VPS13B: variants seen among roughly 807,000 people sequenced by gnomAD.
The protein encoded by VPS13B is intermembrane lipid transfer protein VPS13B.
VPS13B carries 285 observed loss-of-function variants against 426.4 expected under a neutral mutation model. That is an observed-to-expected ratio of 0.67 (90% CI 0.61 to 0.74). VPS13B has a LOEUF of 0.74. Among genes scored for constraint, VPS13B ranks in the 30% least tolerant of loss-of-function variants. VPS13B has a pLI of 0.00. For synonymous variants in VPS13B, 1,676 were observed against 1,676.4 expected (o/e 1.00, Z 0.01); for missense variants, 4,537 against 4,782.6 (o/e 0.95, Z 1.51).
At chr8:99,684,733 A>G (rs1831309052) in intron 35 of VPS13B, among the ~76,000 whole-genome samples, 2 of 152,218 alleles carry the variant, frequency 1.3e-5, no homozygotes, top group Admixed American at 1.3e-4. Flanking sequence ...TAGAACTCTG[A>G]AATAATTTTT....
chr8:99,590,953 G>A (rs947957199), intron 33 of VPS13B, among the ~76,000 whole-genome samples: 9 of 151,970 alleles, frequency 5.9e-5, no homozygotes, highest in African/African-American at 1.9e-4. Context: ...GTCTCCCATT[G>A]TTATTGTGTG....
At chr8:99,581,486 G>A (rs1826057418) in intron 33 of VPS13B, among the ~76,000 whole-genome samples, 1 of 152,042 alleles carries the variant, frequency 6.6e-6, no homozygotes, top group African/African-American at 2.4e-5. Context: ...GATGGGGTGA[G>A]GCCACTAGAC....
chr8:99,197,177 T>C (rs369269501), intron 17 of VPS13B, among the ~76,000 whole-genome samples: 4 of 152,252 alleles, frequency 2.6e-5, no homozygotes, highest in African/African-American at 9.6e-5. Context: ...TAAATACCAC[T>C]GTATCATGGC....
intron 7 of VPS13B, chr8:99,120,074 G>C (rs1436389263): frequency 6.6e-6 from 1 of 152,120 alleles, no homozygotes; most frequent in East Asian, 1.9e-4. Flanking sequence ...TGTATTTTTA[G>C]TAGGGACAGG....
chr8:99,732,955 T>C (rs543234311), intron 39 of VPS13B, among the ~76,000 whole-genome samples: 1 of 152,338 alleles, frequency 6.6e-6, no homozygotes, highest in East Asian at 1.9e-4. Context: ...GTAGAAATTT[T>C]ATTAGCCTAT....
intron 22 of VPS13B, among the ~76,000 whole-genome samples, chr8:99,442,170 G>T (rs1369158125): frequency 3.3e-5 from 5 of 152,100 alleles, no homozygotes; most frequent in Admixed American, 6.5e-5. Context: ...TCTTGGAAAA[G>T]ACTGTGGAAG....
intron 28 of VPS13B, among the ~76,000 whole-genome samples, chr8:99,508,265 T>C (rs1821604290): frequency 6.6e-6 from 1 of 151,860 alleles, no homozygotes; most frequent in African/African-American, 2.4e-5. Context: ...TTTTTTTCTA[T>C]TATTATGCCA....
chr8:99,022,503 T>C (rs1841948353), intron 2 of VPS13B, among the ~76,000 whole-genome samples: 2 of 152,318 alleles, frequency 1.3e-5, no homozygotes, highest in Non-Finnish European at 2.9e-5. Context: ...ATGATTTTAA[T>C]TTATTAAAAT....
intron 24 of VPS13B, among the ~76,000 whole-genome samples, chr8:99,476,217 T>C (rs571827610): frequency 6.6e-6 from 1 of 152,198 alleles, no homozygotes; most frequent in Non-Finnish European, 1.5e-5. Context: ...ATAACAGCAC[T>C]GAAGAATCTA....
At chr8:99,463,426 C>G (rs1210651491) in intron 23 of VPS13B, among the ~76,000 whole-genome samples, 1 of 152,108 alleles carries the variant, frequency 6.6e-6, no homozygotes, top group Admixed American at 6.5e-5. Context: ...TCTCTTAATA[C>G]TATTATCATT....
At chr8:99,446,402 G>A (rs1817923452) in intron 23 of VPS13B, among the ~76,000 whole-genome samples, 1 of 151,988 alleles carries the variant, frequency 6.6e-6, no homozygotes, top group African/African-American at 2.4e-5. Flanking sequence ...TTTCCTCTGG[G>A]TTCTTTAAGG....
At chr8:99,679,749 T>C (rs996890636) in intron 35 of VPS13B, among the ~76,000 whole-genome samples, 1 of 152,226 alleles carries the variant, frequency 6.6e-6, no homozygotes, top group African/African-American at 2.4e-5. Flanking sequence ...CTCATTGTCA[T>C]GGACAGCTTT....
chr8:99,254,532 G>A (rs559729965), intron 17 of VPS13B, among the ~76,000 whole-genome samples: 7 of 151,660 alleles, frequency 4.6e-5, no homozygotes, highest in African/African-American at 1.7e-4. Flanking sequence ...TCTGTTAGGG[G>A]CTAGCTCAGT....
chr8:99,478,981 G>A (rs72674632), intron 24 of VPS13B, among the ~76,000 whole-genome samples: 4,448 of 152,086 alleles, frequency 0.029, 97 homozygotes, highest in South Asian at 0.064. Context: ...GTGAAATTCC[G>A]TTTCTCCTTG....
chr8:99,448,776 C>T (rs1396508416), intron 23 of VPS13B, among the ~76,000 whole-genome samples: 1 of 152,054 alleles, frequency 6.6e-6, no homozygotes, highest in Admixed American at 6.6e-5. Flanking sequence ...TATATTTCAT[C>T]TTCAGTCATT....
intron 17 of VPS13B, among the ~76,000 whole-genome samples, chr8:99,229,316 C>T (rs1405245015): frequency 2.0e-5 from 3 of 152,196 alleles, no homozygotes; most frequent in African/African-American, 7.2e-5. Context: ...TGGCTCTGGG[C>T]TTCTCCATGA....
chr8:99,224,161 T>C (rs1357921810), intron 17 of VPS13B, among the ~76,000 whole-genome samples: 5 of 152,202 alleles, frequency 3.3e-5, no homozygotes, highest in African/African-American at 7.2e-5. Flanking sequence ...GACATAACTG[T>C]TGCATGACTG....
rs562718891 is a variant in VPS13B at position 99,532,236 on chromosome 8, G to A, written c.4745+11226G>A. ...TCGTCAATTGTGAGGTTTTTCAACC[G>A]TTTTACATTTTTTTGCAGACATTTG... On this transcript the variant is annotated intron_variant, in intron 30 of 61. Coordinates refer to ENST00000357162, the MANE Select transcript of VPS13B (RefSeq NM_152564.5). Among the ~76,000 whole-genome samples the A allele has an allele frequency of 2.0e-5, 3 of 152,032 alleles. No homozygotes were observed. The East Asian group carries it at 5.8e-4, about 29-fold the overall frequency.
At chr8:99,324,303 C>A (rs569139202) in intron 19 of VPS13B, among the ~76,000 whole-genome samples, 1 of 152,204 alleles carries the variant, frequency 6.6e-6, no homozygotes, top group African/African-American at 2.4e-5. Flanking sequence ...AAATATTAAC[C>A]TTTTTATTCT....
Sources: allele counts gnomAD v4.1 joint callset (sites outside exome capture counted in the v4.1 genomes callset), GRCh38; gene constraint gnomAD v4.1.1; transcripts MANE v1.5; gene names NCBI Gene and HGNC (gene_info 2026-07-23, HGNC 2026-07-21).